Variants in ADGRG5 observed in about 807,000 individuals in gnomAD.
ADGRG5 encodes the protein adhesion G protein-coupled receptor G5.
Under a neutral mutation model 53.2 loss-of-function variants are expected in ADGRG5, and 37 were observed. The ratio of observed to expected loss-of-function variants is 0.70; its 90% CI spans 0.53 to 0.91. The LOEUF is 0.91. ADGRG5 is among the 40% of genes least tolerant of loss of function. ADGRG5 has a pLI of 0.00. For missense variants in ADGRG5, 614 were observed against 675.8 expected (o/e 0.91, Z 1.01); for synonymous variants, 277 against 290.4 (o/e 0.95, Z 0.47).
At chr16:57,536,365 G>A in the ADGRG5 span, 14 of 152,326 alleles carry the variant, frequency 9.2e-5, no homozygotes, top group East Asian at 2.7e-3. Flanking sequence ...GGGTTGCCGC[G>A]GGCGCCCCGA....
the ADGRG5 span, among the ~76,000 whole-genome samples, chr16:57,533,418 C>T: frequency 6.6e-6 from 1 of 151,978 alleles, no homozygotes; most frequent in Non-Finnish European, 1.5e-5. Context: ...CCTACCCTGC[C>T]CCACTCATAC....
At chr16:57,553,213 C>T (rs1195481268) in intron 1 of ADGRG5, among the ~76,000 whole-genome samples, 2 of 152,180 alleles carry the variant, frequency 1.3e-5, no homozygotes, top group Non-Finnish European at 2.9e-5. Flanking sequence ...AGATAGACTT[C>T]CTTGATGCAG....
the ADGRG5 span, among the ~76,000 whole-genome samples, chr16:57,533,143 TCTC>T: frequency 6.6e-6 from 1 of 151,944 alleles, no homozygotes; most frequent in Non-Finnish European, 1.5e-5. Context: ...CTCACCTCAT[TCTC>T]CTTCCCAGCG....
chr16:57,576,602 G>A lies in ADGRG5; in HGVS notation c.*1064G>A, dbSNP rs1224989513. Reference sequence around the variant, plus strand: ...CTCAGAGGCCCTTGGCGCCAAGACTGCATCTAGAATCGCTCAAACACCTGT... The same window carrying A: ...CTCAGAGGCCCTTGGCGCCAAGACTACATCTAGAATCGCTCAAACACCTGT... On this transcript the variant is annotated 3_prime_UTR_variant, in exon 12 of 12. Transcript: ENST00000349457. 3 of 152,220 alleles carry A rather than the reference G, an allele frequency of 2.0e-5. No individual in the cohort carries two copies. The highest frequency in any genetic ancestry group is 7.2e-5 in the African/African-American group (3 of 41,430). The allele number at this position is 152,220 out of a possible 1,614,324, so 9.4% of individuals were successfully genotyped here.
chr16:57,545,129 A>G (rs904384358), intron 1 of ADGRG5, among the ~76,000 whole-genome samples: 15 of 152,164 alleles, frequency 9.9e-5, no homozygotes, highest in Admixed American at 9.2e-4. Flanking sequence ...GGGTAAGTAA[A>G]TAGCACAGCC....
rs1184105961 is a variant in ADGRG5, at chr16:57,574,379, A to G, written c.1209-436A>G. On this transcript the variant is annotated intron_variant, in intron 10 of 11. Coordinates refer to ENST00000349457, the MANE Select transcript of ADGRG5 (RefSeq NM_001304376.3). The surrounding 1 kb of genome is among the most constrained non-coding windows in gnomAD (Gnocchi z 4.4). ...CTCCTGGGGAGGGGCGTCCCACTGC[A>G]GAGATGGTGATGAGGTGGTGACAAC... Among the ~76,000 whole-genome samples, 1 of 152,216 alleles carries G rather than the reference A, an allele frequency of 6.6e-6. No individual in the cohort carries two copies. The highest frequency in any genetic ancestry group is 2.4e-5 in the African/African-American group (1 of 41,464).
chr16:57,565,488 G>A (rs757533898), intron 6 of ADGRG5: 25 of 400,472 alleles, frequency 6.2e-5, no homozygotes, highest in South Asian at 3.1e-4. Flanking sequence ...GTCTCTCTCC[G>A]TCTCAGCAAT....
At chr16:57,533,571 C>G in the ADGRG5 span, among the ~76,000 whole-genome samples, 1 of 151,616 alleles carries the variant, frequency 6.6e-6, no homozygotes, top group Non-Finnish European at 1.5e-5. Context: ...CACTCACACA[C>G]AGCCCCAGTA....
intron 1 of ADGRG5, among the ~76,000 whole-genome samples, chr16:57,550,192 G>A (rs2032714370): frequency 6.6e-6 from 1 of 152,150 alleles, no homozygotes; most frequent in African/African-American, 2.4e-5. Context: ...TGGCCAGGCT[G>A]GTTTCAAACT....
At chr16:57,544,968 G>T (rs911989867) in intron 1 of ADGRG5, among the ~76,000 whole-genome samples, 1 of 151,892 alleles carries the variant, frequency 6.6e-6, no homozygotes, top group African/African-American at 2.4e-5. Flanking sequence ...TGTAGAGATG[G>T]GGTCTCCCTA....
upstream of ADGRG5, among the ~76,000 whole-genome samples, chr16:57,539,388 T>C (rs541950486): frequency 4.0e-5 from 6 of 151,730 alleles, no homozygotes; most frequent in South Asian, 1.3e-3. Context: ...AAAAATGTTT[T>C]GGACATGGGA....
Position 57,574,839 on chromosome 16 carries a change from GCA to G in ADGRG5, c.1236_1237del (p.His412GlnfsTer43). On this transcript the variant is annotated frameshift_variant, in exon 11 of 12. Transcript: ENST00000349457. LOFTEE classifies it high-confidence loss of function. This position sits in a 1 kb window ranked among gnomAD's most constrained non-coding sequence, Gnocchi z 4.4. The part of the protein sequence containing the change: ...SICWVRSPVV[H>X]SVLVMGYGGL... ...GATGCTGGGTGCGGAGCCCCGTGGT[GCA>G]CAGTGTCCTGGTCATGGGCTACGGC... 2 of 1,599,634 alleles carry G rather than the reference GCA, an allele frequency of 1.3e-6. No individual in the cohort carries two copies. Among genetic ancestry groups the G allele is most frequent in the Non-Finnish European group, 1.7e-6 (2 of 1,171,478 alleles).
chr16:57,542,375 T>A (rs72791642), upstream of ADGRG5: 11,679 of 152,374 alleles, frequency 0.077, 579 homozygotes, highest in East Asian at 0.19. Context: ...TAAGGCCACG[T>A]TGCCATGTCC....
intron 1 of ADGRG5, among the ~76,000 whole-genome samples, chr16:57,544,867 G>C (rs376822542): frequency 6.6e-6 from 1 of 152,122 alleles, no homozygotes; most frequent in Non-Finnish European, 1.5e-5. Context: ...CGGCTCCCAG[G>C]CTCAAGTAAT....
chr16:57,569,429 C>T (rs1397179455), intron 9 of ADGRG5, among the ~76,000 whole-genome samples: 1 of 151,370 alleles, frequency 6.6e-6, no homozygotes, highest in Non-Finnish European at 1.5e-5. Flanking sequence ...ATGATCACCT[C>T]CTCCACTTCC....
chr16:57,571,921 G>A (rs1421665417), intron 10 of ADGRG5, among the ~76,000 whole-genome samples: 1 of 151,896 alleles, frequency 6.6e-6, no homozygotes, highest in Non-Finnish European at 1.5e-5. Context: ...TGGGATTACA[G>A]GCGTGAACAC....
At chr16:57,544,921 G>C (rs1342287565) in intron 1 of ADGRG5, among the ~76,000 whole-genome samples, 2 of 152,116 alleles carry the variant, frequency 1.3e-5, no homozygotes, top group Non-Finnish European at 2.9e-5. Flanking sequence ...ACAGGCTCAT[G>C]CCACCATGCT....
At chr16:57,556,908 CTTT>C (rs35948606) in intron 1 of ADGRG5, among the ~76,000 whole-genome samples, 6 of 115,762 alleles carry the variant, frequency 5.2e-5, no homozygotes, top group Non-Finnish European at 6.6e-5. Context: ...TTGCCTTCTT[CTTT>C]TTTTTTTTTT....
At chr16:57,539,939 G>T (rs944420798), upstream of ADGRG5, among the ~76,000 whole-genome samples, 27 of 152,184 alleles carry the variant, frequency 1.8e-4, no homozygotes, top group East Asian at 4.8e-3. Context: ...TTAGAGAGGG[G>T]TTAAAACAAT....
Sources: gnomAD v4.1 joint callset for allele counts (sites outside exome capture counted in the v4.1 genomes callset) on GRCh38, gnomAD v4.1.1 for gene constraint, Gnocchi (gnomAD v3.1) non-coding constraint, MANE v1.5 for transcripts, NCBI Gene and HGNC (gene_info 2026-07-23, HGNC 2026-07-21) for gene names.